Variants in FAM107B observed in about 807,000 individuals in gnomAD.
The protein encoded by FAM107B is family with sequence similarity 107 member B.
A neutral mutation model predicts 31.5 loss-of-function variants in FAM107B; 21 were observed. The ratio of observed to expected loss-of-function variants is 0.67; its 90% CI spans 0.47 to 0.96. The LOEUF (loss-of-function observed/expected upper bound fraction) is 0.96. Ranked by LOEUF, FAM107B falls within the 40% of genes least tolerant of loss-of-function variation. FAM107B has a pLI of 0.00. For missense variants in FAM107B, 452 were observed against 377.1 expected, an observed-to-expected ratio of 1.20 and a Z score of -1.64; for synonymous variants, 157 against 141.5, an observed-to-expected ratio of 1.11 and a Z score of -0.78.
Position 14,567,823 on chromosome 10 carries a change from G to C in FAM107B, c.470-37308C>G, listed in dbSNP as rs560589046. ...GATCTCTGGATTTCAGCTCAGAAGC[G>C]GTTCCTGGTATTAACAGTGTCTTTT... is the stretch of plus-strand genomic sequence containing the variant. On this transcript the variant is annotated intron_variant, in intron 2 of 4. Transcript: ENST00000181796. Among the ~76,000 whole-genome samples the C allele has an allele frequency of 2.6e-4, 39 of 152,282 alleles. No individual in the cohort carries two copies. In the South Asian group the frequency reaches 7.9e-3, roughly 31 times the overall value.
rs367639934 is a variant in FAM107B, at chr10:14,675,821, T to A, written c.412-8130A>T. Among the ~76,000 whole-genome samples, 10 of 152,286 alleles carry A rather than the reference T, an allele frequency of 6.6e-5. No individual in the cohort carries two copies. The South Asian group carries it at 1.7e-3, about 25-fold the overall frequency. ...GTAGATTCAAAATTACCCCCCAGAA[T>A]GTTTCAGCAAGTTAATGTGTTAAAG... On this transcript the variant is annotated intron_variant, in intron 1 of 4. Transcript: ENST00000181796.
intron 1 of FAM107B, among the ~76,000 whole-genome samples, chr10:14,763,514 T>G (rs1209079778): frequency 6.6e-6 from 1 of 152,118 alleles, no homozygotes; most frequent in East Asian, 1.9e-4. Context: ...TGAAAATACC[T>G]CAGGCCTATT....
At chr10:14,648,521 T>C (rs909954871) in intron 2 of FAM107B, among the ~76,000 whole-genome samples, 1 of 152,198 alleles carries the variant, frequency 6.6e-6, no homozygotes, top group Non-Finnish European at 1.5e-5. Flanking sequence ...TCAGACGTCA[T>C]GGTAACACTG....
intron 1 of FAM107B, among the ~76,000 whole-genome samples, chr10:14,765,759 G>A (rs754490605): frequency 1.3e-5 from 2 of 152,170 alleles, no homozygotes; most frequent in African/African-American, 2.4e-5. Flanking sequence ...CACTAATAGG[G>A]CATTTGTTTT....
intron 1 of FAM107B, among the ~76,000 whole-genome samples, chr10:14,734,488 G>GTGTTTTTGTT (rs558940939): frequency 1.4e-5 from 2 of 138,560 alleles, no homozygotes; most frequent in African/African-American, 5.4e-5. Context: ...TTTTTGTGAG[G>GTGTTTTTGTT]TTTTTTTTTT....
At chr10:14,542,308 A>C (rs1319168770) in intron 2 of FAM107B, among the ~76,000 whole-genome samples, 1 of 151,596 alleles carries the variant, frequency 6.6e-6, no homozygotes, top group Non-Finnish European at 1.5e-5. Flanking sequence ...TGAACAGGAT[A>C]ATACGGGCGG....
At chr10:14,550,811 G>A (rs530009701) in intron 2 of FAM107B, among the ~76,000 whole-genome samples, 3 of 152,236 alleles carry the variant, frequency 2.0e-5, no homozygotes, top group East Asian at 1.9e-4. Context: ...GGAGCTACTG[G>A]TTACTTTAAC....
intron 1 of FAM107B, among the ~76,000 whole-genome samples, chr10:14,716,349 C>T (rs1536564): frequency 0.33 from 50,776 of 152,072 alleles, 9,274 homozygotes; most frequent in African/African-American, 0.49. Flanking sequence ...TAAGATGACT[C>T]CCTCACAGGG....
intron 2 of FAM107B, among the ~76,000 whole-genome samples, chr10:14,662,009 C>G (rs1402809597): frequency 6.6e-6 from 1 of 152,170 alleles, no homozygotes; most frequent in Non-Finnish European, 1.5e-5. Flanking sequence ...CATAGGAACT[C>G]TTAAGTATGG....
intron 2 of FAM107B, among the ~76,000 whole-genome samples, chr10:14,590,962 C>T (rs1249543573): frequency 7.2e-6 from 1 of 139,664 alleles, no homozygotes; most frequent in African/African-American, 2.7e-5. Flanking sequence ...GCACTCCAGC[C>T]TGGGCAACAA....
At chr10:14,575,977 G>C (rs1215044773) in intron 2 of FAM107B, among the ~76,000 whole-genome samples, 2 of 152,168 alleles carry the variant, frequency 1.3e-5, no homozygotes, top group East Asian at 3.9e-4. Flanking sequence ...CACGCTAAGC[G>C]AAATAAGCCA....
intron 1 of FAM107B, among the ~76,000 whole-genome samples, chr10:14,676,538 A>G (rs756655742): frequency 3.9e-5 from 6 of 152,232 alleles, no homozygotes; most frequent in Non-Finnish European, 8.8e-5. Context: ...ACATAGTAAT[A>G]CATCCCACAA....
rs750119736 is a variant in FAM107B at position 14,731,335 on chromosome 10, G to A, written c.411+42918C>T. Among the ~76,000 whole-genome samples, 12 of 152,202 alleles carry A rather than the reference G, an allele frequency of 7.9e-5. No homozygotes were observed. In the East Asian group the frequency reaches 2.1e-3, roughly 27 times the overall value. ...CCAGCAGTATGGGGGGCCGAGGCAGGTGGATCACCTGAGATCAGGAGTTTG... is the reference window on the plus strand; with the variant it reads ...CCAGCAGTATGGGGGGCCGAGGCAGATGGATCACCTGAGATCAGGAGTTTG... On this transcript the variant is annotated intron_variant, in intron 1 of 4. Coordinates refer to ENST00000181796, the MANE Select transcript of FAM107B (RefSeq NM_031453.4).
intron 1 of FAM107B, among the ~76,000 whole-genome samples, chr10:14,747,002 T>C (rs1000136720): frequency 6.6e-6 from 1 of 152,204 alleles, no homozygotes; most frequent in African/African-American, 2.4e-5. Context: ...TTTCATTCTT[T>C]TTTCTCTGAT....
In FAM107B at chr10:14,571,244, A is replaced by G. The variant is rs988487925; in HGVS notation, c.470-40729T>C. Among the ~76,000 whole-genome samples the G allele has an allele frequency of 3.3e-5, 5 of 152,248 alleles. No individual in the cohort carries two copies. The East Asian group carries it at 7.7e-4, about 23-fold the overall frequency. On this transcript the variant is annotated intron_variant, in intron 2 of 4. Transcript: ENST00000181796. ...AGGCCCCTCCTCCTAAAACCATAAC[A>G]TAAGGGGTTCAAATTTCAACATATG...
chr10:14,637,178 G>A (rs1035217840), intron 2 of FAM107B, among the ~76,000 whole-genome samples: 4 of 152,042 alleles, frequency 2.6e-5, no homozygotes, highest in Non-Finnish European at 5.9e-5. Context: ...TCGGCTTCAC[G>A]AGGGTCTTAT....
At position 14,711,123 on chromosome 10, in the gene FAM107B, G is replaced by A. The variant is rs183708594; in HGVS notation, c.412-43432C>T. On this transcript the variant is annotated intron_variant, in intron 1 of 4. Transcript: ENST00000181796. ...AGATGGGGTTTCACCATATCAGCCA[G>A]GCTGGCCTCAAACTCCTGACCTTGT... is the stretch of plus-strand genomic sequence containing the variant. Among the ~76,000 whole-genome samples, 374 of 152,314 alleles carry A rather than the reference G, an allele frequency of 2.5e-3. 3 individuals are homozygous for A. Among genetic ancestry groups the A allele is most frequent in the African/African-American group, 8.5e-3 (353 of 41,576 alleles).
intron 2 of FAM107B, among the ~76,000 whole-genome samples, chr10:14,655,810 T>TCC (rs1194775624): frequency 1.3e-5 from 2 of 152,186 alleles, no homozygotes; most frequent in African/African-American, 4.8e-5. Flanking sequence ...GGGAGCCAGC[T>TCC]CCACAGCTAC....
intron 2 of FAM107B, among the ~76,000 whole-genome samples, chr10:14,536,366 C>A (rs184270546): frequency 1.0e-3 from 156 of 152,306 alleles, no homozygotes; most frequent in African/African-American, 3.6e-3. Context: ...TTCCAAGATA[C>A]TTTTGGAGAA....
Sources: allele counts gnomAD v4.1 joint callset (sites outside exome capture counted in the v4.1 genomes callset), GRCh38; gene constraint gnomAD v4.1.1; transcripts MANE v1.5; gene names NCBI Gene and HGNC (gene_info 2026-07-23, HGNC 2026-07-21).